The following RAB4A variants were observed in gnomAD, a reference collection of about 807,000 sequenced individuals.
RAB4A encodes RAB4A, member RAS oncogene family.
A neutral mutation model predicts 34.5 loss-of-function variants in RAB4A; 20 were observed. That is an observed-to-expected ratio of 0.58 (90% confidence interval 0.41 to 0.84). The LOEUF (loss-of-function observed/expected upper bound fraction) is 0.84. RAB4A is among the 40% of genes least tolerant of loss of function. The probability of loss-of-function intolerance (pLI) is 0.00; values close to 1 mark genes in which losing one functional copy is unlikely to be tolerated. For missense variants in RAB4A, 228 were observed against 274.5 expected (o/e 0.83, Z 1.20); for synonymous variants, 102 against 100.0 (o/e 1.02, Z -0.12).
chr1:229,282,212 C>T (rs368414), intron 1 of RAB4A, among the ~76,000 whole-genome samples: 1 of 152,018 alleles, frequency 6.6e-6, no homozygotes, highest in African/African-American at 2.4e-5. Context: ...GGACATAGGG[C>T]TCTGGGTTGA....
intron 3 of RAB4A, among the ~76,000 whole-genome samples, chr1:229,289,374 C>G (rs1027313779): frequency 3.3e-5 from 5 of 152,116 alleles, no homozygotes; most frequent in Non-Finnish European, 5.9e-5. Flanking sequence ...ACTACTAAAG[C>G]AAGAAAATAG....
intron 3 of RAB4A, among the ~76,000 whole-genome samples, chr1:229,291,924 G>A (rs1484879085): frequency 6.6e-6 from 1 of 151,900 alleles, no homozygotes; most frequent in African/African-American, 2.4e-5. Context: ...GTAGGGACAT[G>A]GATGAAATTG....
intron 1 of RAB4A, among the ~76,000 whole-genome samples, chr1:229,282,635 C>G (rs1242636004): frequency 1.3e-5 from 2 of 152,080 alleles, no homozygotes; most frequent in Non-Finnish European, 2.9e-5. Context: ...ACCTTTTATT[C>G]TTTGTTGTTC....
intron 1 of RAB4A, among the ~76,000 whole-genome samples, chr1:229,276,040 A>T (rs1656635014): frequency 6.6e-6 from 1 of 151,486 alleles, no homozygotes; most frequent in Admixed American, 6.5e-5. Flanking sequence ...ACAGGTAAAC[A>T]TGTCAACAAA....
At chr1:229,283,137 C>G (rs561681372) in intron 1 of RAB4A, among the ~76,000 whole-genome samples, 2 of 152,208 alleles carry the variant, frequency 1.3e-5, no homozygotes, top group Admixed American at 6.5e-5. Flanking sequence ...TCTAGAAGTT[C>G]AGATTCCCCA....
chr1:229,299,080 C>G lies in RAB4A; in HGVS notation c.541+8C>G. The G allele has an allele frequency of 6.3e-7, 1 of 1,584,360 alleles. No individual in the cohort carries two copies. The highest frequency in any genetic ancestry group is 8.6e-7 in the Non-Finnish European group (1 of 1,165,438). On this transcript the variant is annotated splice_region_variant and intron_variant, in intron 6 of 7. Coordinates refer to ENST00000366690, the MANE Select transcript of RAB4A (RefSeq NM_004578.4). ...TTAACAAAATCGAATCAGGTAAAAG[C>G]CTTTCCATTAAGCAACTTTTCTTCT...
chr1:229,274,616 GC>G (rs963096429), intron 1 of RAB4A, among the ~76,000 whole-genome samples: 1 of 152,222 alleles, frequency 6.6e-6, no homozygotes, highest in Non-Finnish European at 1.5e-5. Context: ...CATTCTTAAA[GC>G]CCTGGCCAGT....
intron 2 of RAB4A, among the ~76,000 whole-genome samples, chr1:229,288,454 C>T (rs980137577): frequency 3.3e-5 from 5 of 152,272 alleles, no homozygotes; most frequent in African/African-American, 7.2e-5. Flanking sequence ...GGATGTGGTT[C>T]GGATATGGCA....
intron 6 of RAB4A, among the ~76,000 whole-genome samples, chr1:229,302,309 ATTTTT>A (rs869095524): frequency 0.02 from 716 of 35,800 alleles, 22 homozygotes; most frequent in Non-Finnish European, 0.021. Context: ...ATATATATAT[ATTTTT>A]TTTTTTTTTT....
intron 1 of RAB4A, among the ~76,000 whole-genome samples, chr1:229,275,723 C>T (rs557019055): frequency 1.3e-5 from 2 of 150,612 alleles, no homozygotes; most frequent in East Asian, 2.0e-4. Context: ...CGGGTTCAAG[C>T]GATTCTCCTG....
At chr1:229,289,082 A>C (rs1259984106) in intron 3 of RAB4A, 1 of 432,184 alleles carries the variant, frequency 2.3e-6, no homozygotes, top group Non-Finnish European at 4.1e-6. Flanking sequence ...TATAATTCGG[A>C]GGCTGACCCA....
intron 1 of RAB4A, among the ~76,000 whole-genome samples, chr1:229,276,207 A>G (rs1203189886): frequency 6.6e-6 from 1 of 151,370 alleles, no homozygotes; most frequent in Non-Finnish European, 1.5e-5. Context: ...TATCAAACTA[A>G]TGTGCACACG....
chr1:229,284,099 T>G (rs997391269), intron 1 of RAB4A, among the ~76,000 whole-genome samples: 17 of 139,186 alleles, frequency 1.2e-4, no homozygotes, highest in African/African-American at 4.0e-4. Flanking sequence ...GTTTGGTTTT[T>G]TTTTTTTTTT....
chr1:229,273,352 A>G (rs554009386), intron 1 of RAB4A, among the ~76,000 whole-genome samples: 1 of 152,248 alleles, frequency 6.6e-6, no homozygotes, highest in South Asian at 2.1e-4. Flanking sequence ...TTCTTATTTC[A>G]TGGTAACTTC....
intron 3 of RAB4A, among the ~76,000 whole-genome samples, chr1:229,292,124 G>A (rs1434874126): frequency 6.6e-6 from 1 of 150,748 alleles, no homozygotes; most frequent in Non-Finnish European, 1.5e-5. Context: ...GCTAGATGAC[G>A]AGTTAGCGGT....
intron 6 of RAB4A, among the ~76,000 whole-genome samples, chr1:229,302,035 C>G (rs976765695): frequency 6.6e-6 from 1 of 151,348 alleles, no homozygotes; most frequent in Admixed American, 6.6e-5. Flanking sequence ...TTCAGATTTT[C>G]AGATTAGGGA....
At chr1:229,289,642 C>G (rs966001778) in intron 3 of RAB4A, among the ~76,000 whole-genome samples, 1 of 152,088 alleles carries the variant, frequency 6.6e-6, no homozygotes, top group Non-Finnish European at 1.5e-5. Flanking sequence ...ATGGTGTAAC[C>G]CCTTCTCTAC....
chr1:229,299,008 A>G lies in RAB4A; in HGVS notation c.477A>G (p.Thr159=). 6.2e-7 allele frequency: 1 copy of G among 1,611,410 alleles called. No homozygotes were observed. Among genetic ancestry groups the G allele is most frequent in the Non-Finnish European group, 8.5e-7 (1 of 1,179,406 alleles). Residue 159 remains threonine, a synonymous_variant, in exon 6 of 8, where the codon ACA becomes ACG. Coordinates refer to ENST00000366690, the MANE Select transcript of RAB4A (RefSeq NM_004578.4). ...ELMFLETSAL[T]GENVEEAFVQ... ...TGTTTTTGGAAACAAGTGCGCTCACAGGGGAGAATGTAGAAGAGGCTTTTG... is the reference window on the plus strand; with the variant it reads ...TGTTTTTGGAAACAAGTGCGCTCACGGGGGAGAATGTAGAAGAGGCTTTTG...
chr1:229,286,948 A>G (rs1354258095), intron 2 of RAB4A, among the ~76,000 whole-genome samples: 1 of 152,174 alleles, frequency 6.6e-6, no homozygotes. Flanking sequence ...TAGTTAAGGC[A>G]GTTGCTGTCA....
Sources: gnomAD v4.1 joint callset for allele counts (sites outside exome capture counted in the v4.1 genomes callset) on GRCh38, gnomAD v4.1.1 for gene constraint, MANE v1.5 for transcripts, NCBI Gene and HGNC (gene_info 2026-07-23, HGNC 2026-07-21) for gene names.